The following CDH18 variants were observed in gnomAD, a reference collection of about 807,000 sequenced individuals.
The protein encoded by CDH18 is cadherin 18, also known as cadherin-18.
In CDH18, 31 loss-of-function variants were observed where a neutral mutation model predicts 67.9. That is an observed-to-expected ratio of 0.46 (90% confidence interval 0.34 to 0.62). The LOEUF (loss-of-function observed/expected upper bound fraction) is 0.62. CDH18 is among the 20% of genes least tolerant of loss of function. The pLI, the probability that CDH18 is intolerant of heterozygous loss-of-function variation, is 0.01. For synonymous variants in CDH18, 362 were observed against 347.2 expected, an observed-to-expected ratio of 1.04 and a Z score of -0.48; for missense variants, 890 against 975.5, an observed-to-expected ratio of 0.91 and a Z score of 1.17.
At chr5:19,583,440 G>A (rs528630990) in intron 7 of CDH18, among the ~76,000 whole-genome samples, 31 of 152,166 alleles carry the variant, frequency 2.0e-4, no homozygotes, top group African/African-American at 6.7e-4. Context: ...GCAGGAAGAG[G>A]AAGTTGATTG....
intron 10 of CDH18, among the ~76,000 whole-genome samples, chr5:19,516,141 T>C (rs1044530125): frequency 6.6e-6 from 1 of 152,204 alleles, no homozygotes; most frequent in South Asian, 2.1e-4. Flanking sequence ...GTTTATGTGA[T>C]GGATTACATT....
intron 5 of CDH18, among the ~76,000 whole-genome samples, chr5:19,699,612 ATGTG>A (rs760334528): frequency 4.5e-4 from 63 of 139,078 alleles, no homozygotes; most frequent in Middle Eastern, 3.5e-3. Flanking sequence ...CTCTTTCTCC[ATGTG>A]TGTGTGTGTG....
chr5:20,415,865 T>C (rs896705571), intron 1 of CDH18, among the ~76,000 whole-genome samples: 3 of 152,142 alleles, frequency 2.0e-5, no homozygotes, highest in African/African-American at 4.8e-5. Context: ...GAGAACATTA[T>C]GCTTATTGAA....
chr5:19,844,049 C>T (rs1581609088), intron 2 of CDH18, among the ~76,000 whole-genome samples: 1 of 152,142 alleles, frequency 6.6e-6, no homozygotes, highest in Admixed American at 6.5e-5. Flanking sequence ...TTATAGGCTC[C>T]TAGGTGGGAG....
At chr5:19,723,383 C>G (rs1184171452) in intron 4 of CDH18, among the ~76,000 whole-genome samples, 2 of 152,090 alleles carry the variant, frequency 1.3e-5, no homozygotes, top group Non-Finnish European at 2.9e-5. Flanking sequence ...GCCAAGCTCA[C>G]CTAACAATCC....
intron 5 of CDH18, among the ~76,000 whole-genome samples, chr5:19,666,237 T>TTTTTTATTATTATTA (rs760209482): frequency 7.8e-6 from 1 of 128,162 alleles, no homozygotes; most frequent in African/African-American, 3.1e-5. Flanking sequence ...CTGTATGATT[T>TTTTTTATTATTATTA]TTATTATTAT....
chr5:20,196,620 C>CAA (rs1358087468), intron 2 of CDH18, among the ~76,000 whole-genome samples: 2 of 152,140 alleles, frequency 1.3e-5, no homozygotes, highest in Non-Finnish European at 2.9e-5. Context: ...AAGGGGGATT[C>CAA]AATGTTCCAC....
chr5:20,225,020 C>T (rs116672364), intron 2 of CDH18, among the ~76,000 whole-genome samples: 2 of 151,988 alleles, frequency 1.3e-5, no homozygotes, highest in South Asian at 2.1e-4. Context: ...GCTACTTAAA[C>T]GTGCAAAGTA....
At chr5:19,646,131 G>A (rs994350373) in intron 5 of CDH18, among the ~76,000 whole-genome samples, 11 of 152,078 alleles carry the variant, frequency 7.2e-5, no homozygotes, top group Non-Finnish European at 1.0e-4. Context: ...AGGAAAAGTT[G>A]AGAAGGTTTA....
At chr5:19,481,821 T>C (rs989197155) in intron 12 of CDH18, among the ~76,000 whole-genome samples, 2 of 152,160 alleles carry the variant, frequency 1.3e-5, no homozygotes, top group African/African-American at 4.8e-5. Context: ...TCTTTTCATG[T>C]ATGTCAGTAC....
chr5:19,507,062 A>G (rs1308400335), intron 10 of CDH18, among the ~76,000 whole-genome samples: 3 of 152,212 alleles, frequency 2.0e-5, no homozygotes, highest in Admixed American at 6.6e-5. Context: ...TTACAAGAAA[A>G]AAGCAAACAA....
At chr5:20,234,714 C>CA (rs1742341530) in intron 2 of CDH18, among the ~76,000 whole-genome samples, 1 of 151,900 alleles carries the variant, frequency 6.6e-6, no homozygotes, top group South Asian at 2.1e-4. Context: ...TAAACACACA[C>CA]AAAAACAGAA....
intron 1 of CDH18, among the ~76,000 whole-genome samples, chr5:20,463,116 T>A (rs1406683115): frequency 6.6e-6 from 1 of 152,140 alleles, no homozygotes; most frequent in Non-Finnish European, 1.5e-5. Flanking sequence ...GATTCGATCT[T>A]GTGCTTTTTG....
intron 2 of CDH18, among the ~76,000 whole-genome samples, chr5:19,951,118 A>C (rs1434454330): frequency 6.6e-6 from 1 of 152,154 alleles, no homozygotes; most frequent in Admixed American, 6.6e-5. Context: ...TGTGGCAGAC[A>C]TGAGCACAGA....
chr5:19,887,454 T>C (rs1788332734), intron 2 of CDH18, among the ~76,000 whole-genome samples: 1 of 152,154 alleles, frequency 6.6e-6, no homozygotes, highest in Admixed American at 6.6e-5. Context: ...TTTTCTTTAA[T>C]AGTGATTTAC....
At chr5:20,150,819 C>T (rs1751039051) in intron 2 of CDH18, among the ~76,000 whole-genome samples, 1 of 151,962 alleles carries the variant, frequency 6.6e-6, no homozygotes, top group South Asian at 2.1e-4. Flanking sequence ...AGCTTAGCTG[C>T]TTTACTCACA....
intron 2 of CDH18, among the ~76,000 whole-genome samples, chr5:20,104,084 TTATA>T (rs1024434287): frequency 1.3e-5 from 2 of 150,474 alleles, no homozygotes; most frequent in Admixed American, 1.3e-4. Flanking sequence ...ATATAGATGA[TTATA>T]TATATAGCTA....
intron 2 of CDH18, among the ~76,000 whole-genome samples, chr5:20,123,464 G>C (rs1188621642): frequency 6.6e-6 from 1 of 152,142 alleles, no homozygotes; most frequent in Admixed American, 6.5e-5. Context: ...CTCTTGTTCA[G>C]CAGTCTTAGA....
chr5:20,555,408 CTTTTTTTTTTTT>C (rs774396694), intron 1 of CDH18, among the ~76,000 whole-genome samples: 30 of 103,630 alleles, frequency 2.9e-4, no homozygotes, highest in African/African-American at 1.2e-3. Context: ...ACAAGCTTTT[CTTTTTTTTTTTT>C]TTTTTTTTTT....
Sources: allele counts gnomAD v4.1 joint callset (sites outside exome capture counted in the v4.1 genomes callset), GRCh38; gene constraint gnomAD v4.1.1; transcripts MANE v1.5; gene names NCBI Gene and HGNC (gene_info 2026-07-23, HGNC 2026-07-21).